ADCY3: variants seen among roughly 807,000 people sequenced by gnomAD.
ADCY3 encodes the protein adenylate cyclase type 3.
ADCY3 carries 70 observed loss-of-function variants against 119.4 expected under a neutral mutation model. The ratio of observed to expected loss-of-function variants is 0.59; its 90% confidence interval spans 0.48 to 0.72. ADCY3 has a LOEUF of 0.72. Among genes scored for constraint, ADCY3 ranks in the 30% least tolerant of loss-of-function variants. ADCY3 has a pLI of 0.00. For synonymous variants in ADCY3, 672 were observed against 621.4 expected, an observed-to-expected ratio of 1.08 and a Z score of -1.21; for missense variants, 1,238 against 1,541.6, an observed-to-expected ratio of 0.80 and a Z score of 3.30.
chr2:24,900,268 C>T (rs1678748747), intron 2 of ADCY3, among the ~76,000 whole-genome samples: 1 of 147,796 alleles, frequency 6.8e-6, no homozygotes, highest in African/African-American at 2.5e-5. Context: ...GCGCCACCAC[C>T]CAGGAGGCGA....
intron 2 of ADCY3, among the ~76,000 whole-genome samples, chr2:24,913,067 C>T (rs918876357): frequency 6.6e-6 from 1 of 152,232 alleles, no homozygotes; most frequent in Admixed American, 6.5e-5. Flanking sequence ...GGAGGGATGA[C>T]GGCTTCTTTC....
At chr2:24,912,573 G>A (rs1360560336) in intron 2 of ADCY3, among the ~76,000 whole-genome samples, 1 of 67,296 alleles carries the variant, frequency 1.5e-5, no homozygotes, top group Non-Finnish European at 2.7e-5. Context: ...GTGTGCATGT[G>A]TGTGTGTGTG....
Position 24,827,599 on chromosome 2 carries a change from C to A in ADCY3, c.2442G>T (p.Met814Ile). Residue 814 changes from methionine (M) to isoleucine (I), a missense_variant, in exon 15 of 22, where the codon ATG becomes ATT. Met to Ile is a conservative substitution (Grantham distance 10, BLOSUM62 1). This residue lies in a region of ADCY3 where 499 missense variants were observed against 571.0 expected (regional missense o/e 0.87). Coordinates refer to ENST00000679454, the MANE Select transcript of ADCY3 (RefSeq NM_004036.5). ...HKRFREHDLP[M>I]VALEQMQGFN... Reference sequence around the variant, plus strand: ...ATCCTTGCATCTGCTCTAAGGCCACCATAGGTAAGCTGTTGGACAGATAAC... The same window carrying A: ...ATCCTTGCATCTGCTCTAAGGCCACAATAGGTAAGCTGTTGGACAGATAAC... 6.3e-7 allele frequency: 1 copy of A among 1,586,548 alleles called. No individual in the cohort carries two copies. The highest frequency in any genetic ancestry group is 8.6e-7 in the Non-Finnish European group (1 of 1,163,344).
intron 3 of ADCY3, among the ~76,000 whole-genome samples, chr2:24,862,026 C>T (rs899837032): frequency 1.3e-5 from 2 of 152,184 alleles, no homozygotes; most frequent in African/African-American, 4.8e-5. Flanking sequence ...CAGAGAAAGC[C>T]AGGGCTCACA....
At position 24,882,264 on chromosome 2, in the gene ADCY3, A is replaced by C. The variant is rs139770833; in HGVS notation, c.676-9545T>G. ...CCATCTGGTCAACCTCCCCATTTCCATGCAAGAATGGACAGCTCAAATGTA... is the reference window on the plus strand; with the variant it reads ...CCATCTGGTCAACCTCCCCATTTCCCTGCAAGAATGGACAGCTCAAATGTA... On this transcript the variant is annotated intron_variant, in intron 2 of 21. Coordinates refer to ENST00000679454, the MANE Select transcript of ADCY3 (RefSeq NM_004036.5). Among the ~76,000 whole-genome samples, 8 of 152,218 alleles carry C rather than the reference A, an allele frequency of 5.3e-5. No homozygotes were observed. In the East Asian group the frequency reaches 1.5e-3, roughly 29 times the overall value.
chr2:24,891,812 T>C (rs1558506456), intron 2 of ADCY3, among the ~76,000 whole-genome samples: 1 of 152,246 alleles, frequency 6.6e-6, no homozygotes. Context: ...GTGTACCAAC[T>C]GTTATAACTG....
At chr2:24,871,109 C>T (rs1236924090) in intron 3 of ADCY3, among the ~76,000 whole-genome samples, 1 of 149,598 alleles carries the variant, frequency 6.7e-6, no homozygotes, top group Admixed American at 6.7e-5. Context: ...AAAGAATGCT[C>T]GCCTAGCTAG....
intron 3 of ADCY3, among the ~76,000 whole-genome samples, chr2:24,869,409 A>AT (rs1674700680): frequency 1.3e-5 from 2 of 151,730 alleles, no homozygotes. Flanking sequence ...TTTTATTTTT[A>AT]TTTTTTTATT....
rs563274017 is a variant in ADCY3, at chr2:24,834,456, C to G, written c.1967+29G>C. ...CCCGGCACCACCGCAGCCGAGGAAA[C>G]TCGTGGCCCTCCCCGGCCCCTCCCT... On this transcript the variant is annotated intron_variant, in intron 11 of 21. Transcript: ENST00000679454. The surrounding 1 kb of genome is among the most constrained non-coding windows in gnomAD (Gnocchi z 4.2). 29 of 1,562,500 alleles carry G rather than the reference C, an allele frequency of 1.9e-5. No individual in the cohort carries two copies. The South Asian group carries it at 2.9e-4, about 16-fold the overall frequency.
chr2:24,834,753 G>A lies in ADCY3; in HGVS notation c.1805+41C>T, dbSNP rs750191213. 11 of 1,602,756 alleles carry A rather than the reference G, an allele frequency of 6.9e-6. No homozygotes were observed. Among genetic ancestry groups the A allele is most frequent in the Middle Eastern group, 1.7e-4 (1 of 5,774 alleles). Reference sequence around the variant, plus strand: ...TTTCCTGAATCCCTTGTCAGGGCCCGGGAGGAGTGGTGGGCCTGGACGCTT... The same window carrying A: ...TTTCCTGAATCCCTTGTCAGGGCCCAGGAGGAGTGGTGGGCCTGGACGCTT... On this transcript the variant is annotated intron_variant, in intron 10 of 21. Transcript: ENST00000679454. The surrounding 1 kb of genome is among the most constrained non-coding windows in gnomAD (Gnocchi z 4.2).
chr2:24,887,036 A>G (rs1677107123), intron 2 of ADCY3, among the ~76,000 whole-genome samples: 2 of 152,224 alleles, frequency 1.3e-5, no homozygotes, highest in Non-Finnish European at 2.9e-5. Context: ...TTGTACTGCT[A>G]TAAATAACTG....
In ADCY3 at chr2:24,906,811, A is replaced by C. The variant is rs564686129; in HGVS notation, c.675+11502T>G. The stretch of plus-strand genomic sequence containing the variant: ...ACCTACCATAAGCAGGTTGGTGACC[A>C]GGCCTTGAGCAATCTGTCTTATAAG... On this transcript the variant is annotated intron_variant, in intron 2 of 21. Transcript: ENST00000679454. 2.1e-4 allele frequency among the ~76,000 whole-genome samples: 32 copies of C among 152,360 alleles called. 1 individual carries two copies. The highest frequency in any genetic ancestry group is 4.4e-5 in the Non-Finnish European group (3 of 68,030).
chr2:24,856,355 AC>A (rs1167642314), intron 3 of ADCY3, among the ~76,000 whole-genome samples: 1 of 152,228 alleles, frequency 6.6e-6, no homozygotes, highest in African/African-American at 2.4e-5. Flanking sequence ...CTTGACAAAT[AC>A]ATGTCACTGT....
intron 18 of ADCY3, 74 bp downstream of exon 18, chr2:24,823,135 T>C: frequency 6.6e-7 from 1 of 1,520,024 alleles, no homozygotes; most frequent in Non-Finnish European, 8.8e-7. Flanking sequence ...CTCTGGCCTC[T>C]GCAGCCTATT....
intron 19 of ADCY3, 81 bp downstream of exon 19, chr2:24,822,430 T>G: frequency 6.4e-7 from 1 of 1,571,400 alleles, no homozygotes; most frequent in Admixed American, 1.7e-5. Flanking sequence ...GCAGTTCTTA[T>G]TTCCCCCATG....
intron 15 of ADCY3, 194 bp from the exon 16 acceptor site, chr2:24,826,320 CAGCCA>C: frequency 1.8e-6 from 1 of 570,530 alleles, no homozygotes; most frequent in South Asian, 2.3e-5. Context: ...TCCTCTCCAA[CAGCCA>C]GGCAACCCCT....
At position 24,903,457 on chromosome 2, in the gene ADCY3, G is replaced by C. The variant is rs567247176; in HGVS notation, c.675+14856C>G. On this transcript the variant is annotated intron_variant, in intron 2 of 21. Coordinates refer to ENST00000679454, the MANE Select transcript of ADCY3 (RefSeq NM_004036.5). The stretch of plus-strand genomic sequence containing the variant: ...GGAAGTCTTGGCCCTGAGACCAGCC[G>C]GGTCTGCGCTTCCCGGGGGGAGCCT... 3.3e-5 allele frequency among the ~76,000 whole-genome samples: 5 copies of C among 151,940 alleles called. No homozygotes were observed. The South Asian group carries it at 1.0e-3, about 32-fold the overall frequency.
rs543370616 is a variant in ADCY3 at position 24,910,230 on chromosome 2, T to G, written c.675+8083A>C. ...TTTTTTTATTCTTTTTTGAGACCGG[T>G]CTTGCTCTGTCACCCAGGCTGGAGT... is the stretch of plus-strand genomic sequence containing the variant. On this transcript the variant is annotated intron_variant, in intron 2 of 21. Transcript: ENST00000679454. 2.3e-4 allele frequency among the ~76,000 whole-genome samples: 35 copies of G among 152,282 alleles called. 1 individual carries two copies. Among genetic ancestry groups the G allele is most frequent in the African/African-American group, 8.2e-4 (34 of 41,548 alleles).
intron 2 of ADCY3, among the ~76,000 whole-genome samples, chr2:24,893,031 CT>C (rs755410434): frequency 0.087 from 10,707 of 122,864 alleles, 974 homozygotes; most frequent in African/African-American, 0.31. Flanking sequence ...ATCTATGTGT[CT>C]TTTTTTTTTT....
Sources: gnomAD v4.1 joint callset for allele counts (sites outside exome capture counted in the v4.1 genomes callset) on GRCh38, gnomAD v4.1.1 for gene constraint, gnomAD v4.1.1 regional missense constraint, Gnocchi (gnomAD v3.1) non-coding constraint, MANE v1.5 for transcripts, NCBI Gene and HGNC (gene_info 2026-07-23, HGNC 2026-07-21) for gene names.